NACC2: variants seen among roughly 807,000 people sequenced by gnomAD.
The protein encoded by NACC2 is NACC family member 2.
Under a neutral mutation model 25.1 loss-of-function variants are expected in NACC2, and 8 were observed. The ratio of observed to expected loss-of-function variants is 0.32; its 90% confidence interval spans 0.19 to 0.57. NACC2 has a LOEUF of 0.57. Among genes scored for constraint, NACC2 ranks in the 20% least tolerant of loss-of-function variants. The pLI, the probability that NACC2 is intolerant of heterozygous loss-of-function variation, is 0.89. For synonymous variants in NACC2, 435 were observed against 294.7 expected (o/e 1.48, Z -4.88); for missense variants, 644 against 650.2 (o/e 0.99, Z 0.10).
chr9:136,045,975 C>T (rs1161962808), intron 2 of NACC2, among the ~76,000 whole-genome samples: 4 of 152,152 alleles, frequency 2.6e-5, no homozygotes, highest in East Asian at 1.9e-4. Flanking sequence ...CCCTGCTGGA[C>T]GTTCAGATGC....
intron 1 of NACC2, among the ~76,000 whole-genome samples, chr9:136,083,805 C>T (rs533087059): frequency 2.6e-5 from 4 of 152,356 alleles, no homozygotes; most frequent in South Asian, 4.1e-4. Flanking sequence ...CGGCCGCCCA[C>T]GACATTCATC....
At chr9:136,083,186 G>A (rs1315742724) in intron 1 of NACC2, among the ~76,000 whole-genome samples, 1 of 152,254 alleles carries the variant, frequency 6.6e-6, no homozygotes, top group East Asian at 1.9e-4. Context: ...CCCAACAGAA[G>A]AGCCAGTGGC....
At chr9:136,094,723 A>C (rs993353833) in intron 1 of NACC2, among the ~76,000 whole-genome samples, 3 of 150,808 alleles carry the variant, frequency 2.0e-5, no homozygotes, top group Non-Finnish European at 3.0e-5. Context: ...AGCTGCGCAG[A>C]TGCGCCGGGA....
Position 136,055,532 on chromosome 9 carries a change from G to A in NACC2, c.-59-4952C>T, listed in dbSNP as rs554815042. On this transcript the variant is annotated intron_variant, in intron 1 of 5. Transcript: ENST00000277554. The surrounding 1 kb of genome is among the most constrained non-coding windows in gnomAD (Gnocchi z 4.9). ...CTCGCCCAGAGTCCCCAGAAACCCT[G>A]CCCCCTCCACCCCTAGATTGTAAAG... 1.3e-3 allele frequency among the ~76,000 whole-genome samples: 205 copies of A among 152,264 alleles called. 1 individual carries two copies. Among genetic ancestry groups the A allele is most frequent in the Non-Finnish European group, 2.2e-3 (151 of 68,016 alleles).
At chr9:136,059,018 G>A (rs1424565279) in intron 1 of NACC2, among the ~76,000 whole-genome samples, 2 of 152,246 alleles carry the variant, frequency 1.3e-5, no homozygotes, top group Admixed American at 1.3e-4. Flanking sequence ...GAGAGGCAGT[G>A]TGGGGGCTGT....
At chr9:136,032,380 AG>A (rs202149748) in intron 2 of NACC2, among the ~76,000 whole-genome samples, 1,575 of 152,128 alleles carry the variant, frequency 0.01, 37 homozygotes, top group African/African-American at 0.037. Context: ...AACACTTACG[AG>A]GAAAAAAAAA....
intron 2 of NACC2, among the ~76,000 whole-genome samples, chr9:136,035,670 G>C (rs916904102): frequency 6.6e-6 from 1 of 151,522 alleles, no homozygotes; most frequent in Non-Finnish European, 1.5e-5. Flanking sequence ...CTTGAATTTT[G>C]CACAGCGTAC....
At chr9:136,044,338 G>C (rs1840687424) in intron 2 of NACC2, among the ~76,000 whole-genome samples, 1 of 152,160 alleles carries the variant, frequency 6.6e-6, no homozygotes. Context: ...AATATAGCGA[G>C]ACCCTGTCTC....
chr9:136,068,255 T>C (rs948463685), intron 1 of NACC2, among the ~76,000 whole-genome samples: 3 of 152,136 alleles, frequency 2.0e-5, no homozygotes, highest in African/African-American at 7.2e-5. Context: ...CCCAGCACTT[T>C]GGGAGGCCAA....
At position 136,022,767 on chromosome 9, in the gene NACC2, G is replaced by C. The variant is rs75908384; in HGVS notation, c.887-6338C>G. On this transcript the variant is annotated intron_variant, in intron 2 of 5. Coordinates refer to ENST00000277554, the MANE Select transcript of NACC2 (RefSeq NM_144653.5). This position sits in a 1 kb window ranked among gnomAD's most constrained non-coding sequence, Gnocchi z 4.4. Reference sequence around the variant, plus strand: ...CAGAAAGACCAGAAACGACTTCCACGCTGTACTTGGTGGGAGCACAGAGGC... The same window carrying C: ...CAGAAAGACCAGAAACGACTTCCACCCTGTACTTGGTGGGAGCACAGAGGC... Among the ~76,000 whole-genome samples, 1 of 151,976 alleles carries C rather than the reference G, an allele frequency of 6.6e-6. No homozygotes were observed. Among genetic ancestry groups the C allele is most frequent in the African/African-American group, 2.4e-5 (1 of 41,374 alleles).
intron 1 of NACC2, among the ~76,000 whole-genome samples, chr9:136,077,893 AC>A (rs1487298121): frequency 6.6e-6 from 1 of 152,152 alleles, no homozygotes; most frequent in Non-Finnish European, 1.5e-5. Context: ...GGGAGTGAAA[AC>A]CACGTAAATA....
rs985407429 is a variant in NACC2 at position 136,020,370 on chromosome 9, T to A, written c.887-3941A>T. 6.6e-6 allele frequency among the ~76,000 whole-genome samples: 1 copy of A among 152,126 alleles called. No individual in the cohort carries two copies. Among genetic ancestry groups the A allele is most frequent in the African/African-American group, 2.4e-5 (1 of 41,528 alleles). On this transcript the variant is annotated intron_variant, in intron 2 of 5. Transcript: ENST00000277554. The surrounding 1 kb of genome is among the most constrained non-coding windows in gnomAD (Gnocchi z 4.7). The stretch of plus-strand genomic sequence containing the variant: ...CCCACGGGCCAACACCACGGCAGGA[T>A]GTCCCAGATGGCGAGCCCTGTTCCT...
intron 1 of NACC2, among the ~76,000 whole-genome samples, chr9:136,083,667 C>T (rs1449131816): frequency 2.6e-5 from 4 of 152,266 alleles, no homozygotes; most frequent in Admixed American, 6.5e-5. Context: ...GCTGGCACCA[C>T]GCTGCGGAGG....
intron 1 of NACC2, among the ~76,000 whole-genome samples, chr9:136,056,497 C>T: frequency 6.6e-6 from 1 of 152,228 alleles, no homozygotes; most frequent in East Asian, 1.9e-4. Context: ...CTCTGGTCAT[C>T]AAGTCACAAG....
At chr9:136,063,400 C>CAT (rs1841038789) in intron 1 of NACC2, among the ~76,000 whole-genome samples, 1 of 152,038 alleles carries the variant, frequency 6.6e-6, no homozygotes, top group Non-Finnish European at 1.5e-5. Flanking sequence ...AAAGAGGTCA[C>CAT]GTACATTGCA....
At chr9:136,047,738 C>T (rs1461243274) in intron 2 of NACC2, among the ~76,000 whole-genome samples, 2 of 152,158 alleles carry the variant, frequency 1.3e-5, no homozygotes, top group African/African-American at 4.8e-5. Flanking sequence ...GAGCCGCTTC[C>T]TGGCTGCGGT....
rs72773728 is a variant in NACC2, at chr9:136,084,835, C to T, written c.-60+10354G>A. Among the ~76,000 whole-genome samples the T allele has an allele frequency of 0.042, 6,376 of 152,294 alleles. 166 individuals are homozygous for T. The highest frequency in any genetic ancestry group is 0.059 in the Non-Finnish European group (4,012 of 68,022). On this transcript the variant is annotated intron_variant, in intron 1 of 5. Transcript: ENST00000277554. The surrounding 1 kb of genome is among the most constrained non-coding windows in gnomAD (Gnocchi z 5.1). ...GTGCGGAGCAAATGAGCCAGTCACA[C>T]GAGGACACCCCCTGTGGGACTCCAC... is the stretch of plus-strand genomic sequence containing the variant.
intron 1 of NACC2, among the ~76,000 whole-genome samples, chr9:136,054,660 G>A (rs1471111508): frequency 6.6e-6 from 1 of 151,842 alleles, no homozygotes; most frequent in Non-Finnish European, 1.5e-5. Context: ...AGACATCAGG[G>A]CATCCCCACC....
rs1320705701 is a variant in NACC2 at position 136,018,746 on chromosome 9, C to T, written c.887-2317G>A. 1.7e-4 allele frequency among the ~76,000 whole-genome samples: 26 copies of T among 152,082 alleles called. No homozygotes were observed. The highest frequency in any genetic ancestry group is 1.7e-3 in the Admixed American group (26 of 15,290). On this transcript the variant is annotated intron_variant, in intron 2 of 5. Transcript: ENST00000277554. This position sits in a 1 kb window ranked among gnomAD's most constrained non-coding sequence, Gnocchi z 4.4. The stretch of plus-strand genomic sequence containing the variant: ...CATCGCAGGATAAGCCCAGAATTAC[C>T]CGAGTGCTCAGGGAACACAGCAAAA...
Sources: allele counts gnomAD v4.1 joint callset (sites outside exome capture counted in the v4.1 genomes callset), GRCh38; gene constraint gnomAD v4.1.1; non-coding constraint Gnocchi (gnomAD v3.1); transcripts MANE v1.5; gene names NCBI Gene and HGNC (gene_info 2026-07-23, HGNC 2026-07-21).